The following KIAA1549L variants were observed in gnomAD, a reference collection of about 807,000 sequenced individuals.
KIAA1549L encodes the protein KIAA1549 like.
Under a neutral mutation model 160.7 loss-of-function variants are expected in KIAA1549L, and 88 were observed. The ratio of observed to expected loss-of-function variants is 0.55; its 90% CI spans 0.46 to 0.65. The LOEUF (loss-of-function observed/expected upper bound fraction) is 0.65, where lower values mean the gene tolerates loss of function less well. Ranked by LOEUF, KIAA1549L falls within the 30% of genes least tolerant of loss-of-function variation. KIAA1549L has a pLI of 0.00. For missense variants in KIAA1549L, 2,258 were observed against 2,437.5 expected (o/e 0.93, Z 1.55); for synonymous variants, 950 against 976.7 (o/e 0.97, Z 0.51).
At chr11:33,455,592 T>C (rs1191205561) in intron 1 of KIAA1549L, among the ~76,000 whole-genome samples, 4 of 152,192 alleles carry the variant, frequency 2.6e-5, no homozygotes, top group African/African-American at 9.7e-5. Context: ...TTAGGTTTGG[T>C]TCCATTAGAA....
intron 10 of KIAA1549L, among the ~76,000 whole-genome samples, chr11:33,576,941 T>G (rs6484658): frequency 0.28 from 43,156 of 151,922 alleles, 6,473 homozygotes; most frequent in African/African-American, 0.37. Context: ...CATCAACATA[T>G]AGGTGACATT....
chr11:33,569,992 C>CTT (rs1440661345), intron 9 of KIAA1549L, among the ~76,000 whole-genome samples: 2 of 73,486 alleles, frequency 2.7e-5, no homozygotes, highest in Non-Finnish European at 5.8e-5. Flanking sequence ...TGTTCTTTCT[C>CTT]TCTCTCTCTC....
intron 1 of KIAA1549L, among the ~76,000 whole-genome samples, chr11:33,498,365 G>A (rs926661993): frequency 6.6e-6 from 1 of 152,194 alleles, no homozygotes; most frequent in Non-Finnish European, 1.5e-5. Context: ...TTGGAATACA[G>A]TGTGTGGTTT....
At chr11:33,503,637 G>T (rs1853006163) in intron 1 of KIAA1549L, among the ~76,000 whole-genome samples, 1 of 152,144 alleles carries the variant, frequency 6.6e-6, no homozygotes, top group Non-Finnish European at 1.5e-5. Context: ...AAATCTAATT[G>T]ATAACCTTTG....
intron 1 of KIAA1549L, among the ~76,000 whole-genome samples, chr11:33,411,330 G>A (rs1163904958): frequency 6.6e-6 from 1 of 152,054 alleles, no homozygotes; most frequent in Non-Finnish European, 1.5e-5. Context: ...GACCCACTTG[G>A]AGCACTTTTA....
intron 9 of KIAA1549L, among the ~76,000 whole-genome samples, chr11:33,569,272 A>G (rs1041038670): frequency 9.9e-5 from 15 of 152,214 alleles, no homozygotes; most frequent in African/African-American, 3.4e-4. Flanking sequence ...CTTATCTTGA[A>G]TTGCACTGTC....
intron 1 of KIAA1549L, among the ~76,000 whole-genome samples, chr11:33,462,016 A>G (rs1342000380): frequency 6.6e-6 from 1 of 152,222 alleles, no homozygotes; most frequent in Non-Finnish European, 1.5e-5. Context: ...GAGGAGAGGA[A>G]GGTATATGCT....
intron 12 of KIAA1549L, among the ~76,000 whole-genome samples, chr11:33,595,198 A>G (rs898526674): frequency 3.0e-4 from 46 of 152,178 alleles, no homozygotes; most frequent in Non-Finnish European, 3.1e-4. Flanking sequence ...GATAACACAT[A>G]TATTCCTGAA....
intron 14 of KIAA1549L, 111 bp from the exon 15 acceptor site, chr11:33,609,638 G>A (rs559531342): frequency 2.0e-5 from 16 of 810,096 alleles, no homozygotes; most frequent in African/African-American, 5.1e-5. Context: ...TCAGAGGCCC[G>A]GAGGTGATGC....
chr11:33,467,367 T>C (rs908853170), intron 1 of KIAA1549L, among the ~76,000 whole-genome samples: 1 of 152,184 alleles, frequency 6.6e-6, no homozygotes, highest in African/African-American at 2.4e-5. Flanking sequence ...ACACACATAC[T>C]AATGAAACAG....
At chr11:33,547,094 G>A (rs765082006) in intron 3 of KIAA1549L, among the ~76,000 whole-genome samples, 5 of 152,224 alleles carry the variant, frequency 3.3e-5, no homozygotes, top group African/African-American at 9.6e-5. Flanking sequence ...TTTCCCCTGC[G>A]CCTTTGCGCT....
rs1159941555 is a variant in KIAA1549L, at chr11:33,591,339, A to T, written c.4669A>T (p.Ile1557Phe). Residue 1557 changes from isoleucine to phenylalanine, a missense_variant, in exon 12 of 21, where the codon ATT becomes TTT. Ile to Phe is a conservative substitution (Grantham distance 21). Coordinates refer to ENST00000658780, the MANE Select transcript of KIAA1549L (RefSeq NM_012194.3). ...TQETVVLPLP[I>F]RDAPQERDVA... The stretch of plus-strand genomic sequence containing the variant: ...GGAGACAGTGGTTCTCCCACTGCCC[A>T]TTAGAGATGCTCCTCAGGAAAGAGA... 1 of 1,613,774 alleles carries T rather than the reference A, an allele frequency of 6.2e-7. No homozygotes were observed. The highest frequency in any genetic ancestry group is 8.5e-7 in the Non-Finnish European group (1 of 1,179,682).
chr11:33,530,433 AAAAATATATATATATATATATATAT>A (rs1399224137), intron 1 of KIAA1549L, among the ~76,000 whole-genome samples: 423 of 9,726 alleles, frequency 0.043, 41 homozygotes, highest in African/African-American at 0.16. Context: ...AAAAAAAAAA[AAAAATATATATATATATATATATAT>A]ATATATATAT....
chr11:33,402,385 A>G (rs905404148), intron 1 of KIAA1549L, among the ~76,000 whole-genome samples: 1 of 151,740 alleles, frequency 6.6e-6, no homozygotes, highest in African/African-American at 2.4e-5. Flanking sequence ...TACAGCCTCT[A>G]CTCAGGCCCC....
intron 16 of KIAA1549L, among the ~76,000 whole-genome samples, chr11:33,644,211 C>T (rs1036395313): frequency 6.6e-6 from 1 of 152,142 alleles, no homozygotes; most frequent in Non-Finnish European, 1.5e-5. Flanking sequence ...TGAACTTTAG[C>T]CAAGTCCTAA....
At chr11:33,439,578 T>A (rs1009639618) in intron 1 of KIAA1549L, among the ~76,000 whole-genome samples, 7 of 150,278 alleles carry the variant, frequency 4.7e-5, no homozygotes, top group Admixed American at 2.6e-4. Flanking sequence ...AATTTTTTTT[T>A]TTTTTTTTTT....
intron 1 of KIAA1549L, among the ~76,000 whole-genome samples, chr11:33,437,085 TG>T (rs1851396293): frequency 6.6e-6 from 1 of 152,236 alleles, no homozygotes. Flanking sequence ...CATTATAATT[TG>T]TATTTGTAAT....
intron 12 of KIAA1549L, among the ~76,000 whole-genome samples, chr11:33,596,877 G>A (rs915284854): frequency 6.6e-6 from 1 of 152,082 alleles, no homozygotes; most frequent in Non-Finnish European, 1.5e-5. Flanking sequence ...CCATTCACCA[G>A]AAGAGTCCAG....
At chr11:33,591,157 G>T in intron 11 of KIAA1549L, 80 bp from the exon 12 acceptor site, 1 of 987,630 alleles carries the variant, frequency 1.0e-6, no homozygotes, top group Non-Finnish European at 1.5e-6. Flanking sequence ...CCATCTTTTT[G>T]CTGCCTGTCA....
Sources: gnomAD v4.1 joint callset for allele counts (sites outside exome capture counted in the v4.1 genomes callset) on GRCh38, gnomAD v4.1.1 for gene constraint, MANE v1.5 for transcripts, NCBI Gene and HGNC (gene_info 2026-07-23, HGNC 2026-07-21) for gene names.